Variants in MAF observed in about 807,000 individuals in gnomAD.
The protein encoded by MAF is transcription factor Maf.
In MAF, 10 loss-of-function variants were observed where a neutral mutation model predicts 22.0. The ratio of observed to expected loss-of-function variants is 0.45; its 90% CI spans 0.28 to 0.77. The LOEUF is 0.77. Ranked by LOEUF, MAF falls within the 30% of genes least tolerant of loss-of-function variation. MAF has a pLI of 0.12. For missense variants in MAF, 544 were observed against 548.4 expected, an observed-to-expected ratio of 0.99 and a Z score of 0.08; for synonymous variants, 337 against 255.8, an observed-to-expected ratio of 1.32 and a Z score of -3.03.
chr16:79,210,528 T>C, the MAF span, among the ~76,000 whole-genome samples: 1 of 152,154 alleles, frequency 6.6e-6, no homozygotes, highest in South Asian at 2.1e-4. Flanking sequence ...GGGGGCGAGC[T>C]TATCTTCAGT....
chr16:79,286,161 T>C, the MAF span, among the ~76,000 whole-genome samples: 1 of 152,374 alleles, frequency 6.6e-6, no homozygotes, highest in South Asian at 2.1e-4. Context: ...TAGCTGGTTT[T>C]TCTTTTAAAA....
the MAF span, among the ~76,000 whole-genome samples, chr16:79,262,659 A>C: frequency 4.6e-5 from 7 of 152,302 alleles, no homozygotes; most frequent in African/African-American, 1.4e-4. Flanking sequence ...CTGGGCCCTT[A>C]CAGTCTTACA....
chr16:79,242,863 G>C, the MAF span, among the ~76,000 whole-genome samples: 1 of 152,038 alleles, frequency 6.6e-6, no homozygotes, highest in African/African-American at 2.4e-5. Flanking sequence ...TCAGACTACA[G>C]TGCAATCAAA....
At chr16:79,432,639 G>A in the MAF span, among the ~76,000 whole-genome samples, 2 of 152,138 alleles carry the variant, frequency 1.3e-5, no homozygotes, top group Admixed American at 1.3e-4. Flanking sequence ...TTTGGAAATA[G>A]GACCTAGGAT....
chr16:79,568,583 C>T, the MAF span, among the ~76,000 whole-genome samples: 2 of 152,184 alleles, frequency 1.3e-5, no homozygotes, highest in African/African-American at 4.8e-5. Context: ...TTAGTGGCCA[C>T]ATGCACTTGA....
At chr16:79,564,217 T>A in the MAF span, among the ~76,000 whole-genome samples, 14 of 152,206 alleles carry the variant, frequency 9.2e-5, no homozygotes, top group Non-Finnish European at 1.9e-4. Context: ...CAATTTTTTG[T>A]TTTGTTTTGT....
chr16:79,296,501 G>C, the MAF span, among the ~76,000 whole-genome samples: 2 of 152,072 alleles, frequency 1.3e-5, no homozygotes, highest in African/African-American at 4.8e-5. Flanking sequence ...TGCACCTGCT[G>C]CACATGTATC....
the MAF span, among the ~76,000 whole-genome samples, chr16:79,449,761 C>G: frequency 1.3e-5 from 2 of 152,120 alleles, no homozygotes; most frequent in African/African-American, 4.8e-5. Context: ...TGAATTCTAA[C>G]CTCACTTCTG....
At chr16:79,521,339 A>T in the MAF span, among the ~76,000 whole-genome samples, 1 of 152,244 alleles carries the variant, frequency 6.6e-6, no homozygotes, top group Non-Finnish European at 1.5e-5. Context: ...GGTTTAATGG[A>T]TGTTCCTTCA....
the MAF span, among the ~76,000 whole-genome samples, chr16:79,554,930 T>G: frequency 6.6e-6 from 1 of 152,204 alleles, no homozygotes; most frequent in African/African-American, 2.4e-5. Flanking sequence ...AGTGCTCCAC[T>G]GCAGGGCAGG....
the MAF span, among the ~76,000 whole-genome samples, chr16:79,379,501 GCACACACA>G: frequency 0.051 from 7,596 of 149,710 alleles, 326 homozygotes; most frequent in East Asian, 0.19. Context: ...TGGTGGAAGT[GCACACACA>G]CACACACACA....
the MAF span, among the ~76,000 whole-genome samples, chr16:79,437,715 C>G: frequency 6.6e-6 from 1 of 152,120 alleles, no homozygotes; most frequent in Non-Finnish European, 1.5e-5. Flanking sequence ...GCTTCCAGAG[C>G]ACGAGCTTCT....
chr16:79,381,016 G>A, the MAF span, among the ~76,000 whole-genome samples: 3 of 152,248 alleles, frequency 2.0e-5, no homozygotes, highest in African/African-American at 7.2e-5. Context: ...CTGCATCCTG[G>A]CAGTCCTTTG....
At chr16:79,573,571 G>A in the MAF span, among the ~76,000 whole-genome samples, 28 of 152,256 alleles carry the variant, frequency 1.8e-4, no homozygotes, top group African/African-American at 6.3e-4. Flanking sequence ...AAGCAAGAAT[G>A]CGTTTTATTT....
chr16:79,419,586 C>T, the MAF span, among the ~76,000 whole-genome samples: 1 of 152,284 alleles, frequency 6.6e-6, no homozygotes, highest in East Asian at 1.9e-4. Flanking sequence ...CTCTTATCTT[C>T]CATGTCTGTT....
At chr16:79,574,986 G>C in the MAF span, among the ~76,000 whole-genome samples, 1 of 150,984 alleles carries the variant, frequency 6.6e-6, no homozygotes, top group Non-Finnish European at 1.5e-5. Flanking sequence ...TCTACTAGGA[G>C]TTCTCAATCC....
the MAF span, among the ~76,000 whole-genome samples, chr16:79,345,545 T>C: frequency 6.6e-6 from 1 of 151,764 alleles, no homozygotes; most frequent in East Asian, 1.9e-4. Flanking sequence ...CTGGCCAACA[T>C]AGTGAAACCC....
chr16:79,351,444 G>A, the MAF span, among the ~76,000 whole-genome samples: 1 of 152,152 alleles, frequency 6.6e-6, no homozygotes, highest in Non-Finnish European at 1.5e-5. Flanking sequence ...TTTTATTGTT[G>A]TTGTGTCATT....
chr16:79,595,835 T>C, intron 1 of MAF: 7 of 1,058,078 alleles, frequency 6.6e-6, no homozygotes, highest in African/African-American at 1.6e-5. Context: ...TTTGATAACA[T>C]AGTTTAAACC....
Sources: gnomAD v4.1 joint callset for allele counts (sites outside exome capture counted in the v4.1 genomes callset) on GRCh38, gnomAD v4.1.1 for gene constraint, MANE v1.5 for transcripts, NCBI Gene and HGNC (gene_info 2026-07-23, HGNC 2026-07-21) for gene names.